The following UBR1 variants were observed in gnomAD, a reference collection of about 807,000 sequenced individuals.
UBR1 encodes the protein ubiquitin protein ligase E3 component n-recognin 1, also known as E3 ubiquitin-protein ligase UBR1.
Under a neutral mutation model 242.1 loss-of-function variants are expected in UBR1, and 102 were observed. That is an observed-to-expected ratio of 0.42 (90% confidence interval 0.36 to 0.50). The LOEUF is 0.50. UBR1 is among the 20% of genes least tolerant of loss of function. The probability of loss-of-function intolerance (pLI) is 0.01; values close to 1 mark genes in which losing one functional copy is unlikely to be tolerated. For missense variants in UBR1, 1,772 were observed against 2,101.8 expected (o/e 0.84, Z 3.07); for synonymous variants, 675 against 684.8 (o/e 0.99, Z 0.22).
intron 29 of UBR1, among the ~76,000 whole-genome samples, chr15:43,008,382 G>A (rs991460358): frequency 4.6e-5 from 7 of 152,264 alleles, no homozygotes; most frequent in African/African-American, 1.7e-4. Context: ...CCGCGGCCCC[G>A]GCCAGGTGTG....
chr15:43,105,392 C>G (rs2034284286), intron 1 of UBR1, among the ~76,000 whole-genome samples: 1 of 152,190 alleles, frequency 6.6e-6, no homozygotes, highest in African/African-American at 2.4e-5. Context: ...GGAGTCCTTT[C>G]TTCACCTTTA....
chr15:42,979,564 A>G (rs888949744), intron 37 of UBR1, among the ~76,000 whole-genome samples: 4 of 151,762 alleles, frequency 2.6e-5, no homozygotes, highest in Admixed American at 6.6e-5. Context: ...TATGTATTTT[A>G]TTTTGAGATG....
At chr15:43,018,838 A>G (rs1373662519) in intron 27 of UBR1, among the ~76,000 whole-genome samples, 1 of 152,234 alleles carries the variant, frequency 6.6e-6, no homozygotes, top group Non-Finnish European at 1.5e-5. Context: ...ATATTTTGAT[A>G]ATAAAATTTA....
chr15:42,989,058 T>C (rs899938330), intron 34 of UBR1, 91 bp from the exon 35 acceptor site: 7 of 1,118,454 alleles, frequency 6.3e-6, no homozygotes, highest in Non-Finnish European at 9.2e-6. Context: ...AGAAACAATT[T>C]AACTGCTTTC....
At chr15:43,090,186 G>A (rs1409158916) in intron 1 of UBR1, among the ~76,000 whole-genome samples, 3 of 152,052 alleles carry the variant, frequency 2.0e-5, no homozygotes, top group Non-Finnish European at 2.9e-5. Flanking sequence ...ATATGGAAAG[G>A]CATTAATAAC....
intron 10 of UBR1, among the ~76,000 whole-genome samples, chr15:43,057,663 C>T (rs144607528): frequency 6.6e-6 from 1 of 152,210 alleles, no homozygotes; most frequent in Non-Finnish European, 1.5e-5. Context: ...TAATTCCTGC[C>T]CCCCACTTTA....
rs2032301905 is a variant in UBR1 at position 42,976,999 on chromosome 15, TTTC to T, written c.4219-135_4219-133del. The T allele has an allele frequency of 3.9e-6, 4 of 1,036,076 alleles. No homozygotes were observed. In the Admixed American group the frequency reaches 8.3e-5, roughly 21 times the overall value. The allele number at this position is 1,036,076 out of a possible 1,614,324, so 64.2% of individuals were successfully genotyped here. On this transcript the variant is annotated intron_variant, in intron 38 of 46. Coordinates refer to ENST00000290650, the MANE Select transcript of UBR1 (RefSeq NM_174916.3). ...TGTGTTTTTTAATAAAAACCATATT[TTTC>T]TTATTTATTCAATAGAATATCTTAG...
intron 41 of UBR1, among the ~76,000 whole-genome samples, chr15:42,965,394 T>C (rs1417963488): frequency 2.0e-5 from 3 of 152,120 alleles, no homozygotes; most frequent in South Asian, 2.1e-4. Context: ...TGCTTAAATA[T>C]GCATGGCCTA....
At chr15:42,988,398 G>A (rs1340660391) in intron 35 of UBR1, 4 of 220,384 alleles carry the variant, frequency 1.8e-5, no homozygotes, top group Admixed American at 5.2e-5. Flanking sequence ...GGACTCAAAT[G>A]ATCTTCCCAC....
chr15:43,017,477 AAAT>A (rs1323658913), intron 27 of UBR1, among the ~76,000 whole-genome samples: 2 of 152,158 alleles, frequency 1.3e-5, no homozygotes, highest in Non-Finnish European at 2.9e-5. Flanking sequence ...TTTTAATTTG[AAAT>A]AATATTTTTG....
At chr15:43,046,082 C>G (rs941746242) in intron 14 of UBR1, among the ~76,000 whole-genome samples, 1 of 152,080 alleles carries the variant, frequency 6.6e-6, no homozygotes, top group Admixed American at 6.6e-5. Context: ...GTGTTAGGAG[C>G]TATAAGTGAA....
intron 1 of UBR1, among the ~76,000 whole-genome samples, chr15:43,090,452 T>G (rs2034093753): frequency 6.6e-6 from 1 of 152,116 alleles, no homozygotes; most frequent in Non-Finnish European, 1.5e-5. Flanking sequence ...ACTAATACCT[T>G]TTAAAAATAA....
intron 24 of UBR1, 64 bp downstream of exon 24, chr15:43,025,317 G>A (rs2033165385): frequency 6.7e-7 from 1 of 1,484,514 alleles, no homozygotes; most frequent in Non-Finnish European, 9.3e-7. Context: ...AAAACTATAT[G>A]CTTTGCTGAT....
intron 45 of UBR1, among the ~76,000 whole-genome samples, chr15:42,950,866 C>G (rs1337850055): frequency 6.6e-6 from 1 of 152,160 alleles, no homozygotes; most frequent in South Asian, 2.1e-4. Context: ...CTGAAGGCAC[C>G]TGGGACTTTT....
chr15:43,034,888 CAAAAAA>C (rs201319494), intron 19 of UBR1, among the ~76,000 whole-genome samples: 7 of 91,700 alleles, frequency 7.6e-5, no homozygotes, highest in Admixed American at 1.3e-4. Context: ...ACGCCATCTC[CAAAAAA>C]AAAAAAAAAA....
chr15:43,025,062 A>G (rs2033162047), intron 24 of UBR1, 79 bp from the exon 25 acceptor site: 4 of 1,541,970 alleles, frequency 2.6e-6, no homozygotes, highest in Non-Finnish European at 3.6e-6. Context: ...ACTAAAGTGC[A>G]AATGTCAAAA....
At position 43,082,638 on chromosome 15, in the gene UBR1, C is replaced by T. The variant is rs752796953; in HGVS notation, c.417G>A (p.Lys139=). The part of the protein sequence containing the change: ...QDSVHKNHRY[K]MHTSTGGGFC... Reference sequence around the variant, plus strand: ...AGAGGTTATGGTTATATTTTCTTACCTTGTAACGATGATTTTTATGAACAC... The same window carrying T: ...AGAGGTTATGGTTATATTTTCTTACTTTGTAACGATGATTTTTATGAACAC... The change falls in exon 3 of 47, where the codon AAG becomes AAA. Residue 139 remains lysine, a splice_region_variant and synonymous_variant. Transcript: ENST00000290650. 3 of 1,613,174 alleles carry T rather than the reference C, an allele frequency of 1.9e-6. No homozygotes were observed. The highest frequency in any genetic ancestry group is 2.2e-5 in the South Asian group (2 of 91,054).
chr15:43,081,417 C>CAAAAAAAA (rs71108197), intron 3 of UBR1, among the ~76,000 whole-genome samples: 6 of 69,708 alleles, frequency 8.6e-5, no homozygotes, highest in African/African-American at 1.7e-4. Flanking sequence ...CACCCCATCT[C>CAAAAAAAA]AAAAAAAAAA....
chr15:43,105,789 C>A (rs2141376763), intron 1 of UBR1, among the ~76,000 whole-genome samples, 153 bp downstream of exon 1: 1 of 152,092 alleles, frequency 6.6e-6, no homozygotes, highest in East Asian at 1.9e-4. Context: ...ATGTGGGTTG[C>A]GACTAACTTT....
Sources: allele counts gnomAD v4.1 joint callset (sites outside exome capture counted in the v4.1 genomes callset), GRCh38; gene constraint gnomAD v4.1.1; transcripts MANE v1.5; gene names NCBI Gene and HGNC (gene_info 2026-07-23, HGNC 2026-07-21).